WRN: variants seen among roughly 807,000 people sequenced by gnomAD.
WRN encodes the protein WRN RecQ like helicase.
A neutral mutation model predicts 180.7 loss-of-function variants in WRN; 149 were observed. That is an observed-to-expected ratio of 0.82 (90% CI 0.72 to 0.94). The LOEUF is 0.94. WRN is among the 40% of genes least tolerant of loss of function. The probability of loss-of-function intolerance (pLI) is 0.00; values close to 1 mark genes in which losing one functional copy is unlikely to be tolerated. For synonymous variants in WRN, 548 were observed against 568.9 expected (o/e 0.96, Z 0.52); for missense variants, 1,661 against 1,700.1 (o/e 0.98, Z 0.40).
chr8:31,036,497 C>G (rs1179094516), intron 1 of WRN, among the ~76,000 whole-genome samples: 1 of 152,186 alleles, frequency 6.6e-6, no homozygotes, highest in African/African-American at 2.4e-5. Context: ...TCCCTTTTCT[C>G]CACATCCTCG....
chr8:31,081,432 T>C (rs1015037180), intron 9 of WRN, 136 bp downstream of exon 9: 6 of 922,736 alleles, frequency 6.5e-6, no homozygotes, highest in African/African-American at 3.4e-5. Flanking sequence ...AGTTCTGTTA[T>C]TGTAGTGTGA....
intron 8 of WRN, among the ~76,000 whole-genome samples, chr8:31,077,358 A>T (rs1404577374): frequency 6.6e-6 from 1 of 152,004 alleles, no homozygotes; most frequent in Admixed American, 6.5e-5. Flanking sequence ...ATCCTGCCTC[A>T]GCCTCCCGAG....
intron 23 of WRN, among the ~76,000 whole-genome samples, chr8:31,127,471 A>G (rs1801970472): frequency 1.3e-5 from 2 of 152,220 alleles, no homozygotes; most frequent in Non-Finnish European, 2.9e-5. Flanking sequence ...TACGTACCTA[A>G]GTTCAATAGC....
At chr8:31,151,322 G>A (rs1442596475) in intron 31 of WRN, among the ~76,000 whole-genome samples, 2 of 152,150 alleles carry the variant, frequency 1.3e-5, no homozygotes, top group Non-Finnish European at 2.9e-5. Flanking sequence ...TTACTTCCAA[G>A]AAGCTCCTGG....
intron 31 of WRN, among the ~76,000 whole-genome samples, chr8:31,150,816 C>CA (rs1398250247): frequency 1.7e-4 from 26 of 152,304 alleles, no homozygotes; most frequent in African/African-American, 6.3e-4. Flanking sequence ...GTCAGGAGCT[C>CA]AGCCACTTTC....
At chr8:31,083,077 T>C (rs1813383332) in intron 9 of WRN, among the ~76,000 whole-genome samples, 1 of 152,210 alleles carries the variant, frequency 6.6e-6, no homozygotes, top group Non-Finnish European at 1.5e-5. Flanking sequence ...GAGGGTTTTC[T>C]TTCTATGGAT....
chr8:31,166,729 GGTT>G (rs1203691911), intron 33 of WRN, among the ~76,000 whole-genome samples: 1 of 152,120 alleles, frequency 6.6e-6, no homozygotes, highest in East Asian at 1.9e-4. Context: ...TTCCACGAAT[GGTT>G]GTTTTGATTC....
At chr8:31,083,299 G>A (rs565668056) in intron 9 of WRN, among the ~76,000 whole-genome samples, 1 of 152,264 alleles carries the variant, frequency 6.6e-6, no homozygotes, top group South Asian at 2.1e-4. Flanking sequence ...TTTTAAATCA[G>A]TGGATGTCAA....
intron 17 of WRN, among the ~76,000 whole-genome samples, chr8:31,099,733 G>C (rs1427204399): frequency 6.6e-6 from 1 of 152,030 alleles, no homozygotes; most frequent in Admixed American, 6.6e-5. Flanking sequence ...CTAGAAAAGT[G>C]TTTGGATAAT....
At chr8:31,115,035 A>G (rs1197272561) in intron 19 of WRN, among the ~76,000 whole-genome samples, 1 of 151,058 alleles carries the variant, frequency 6.6e-6, no homozygotes. Flanking sequence ...AGCTGGGATT[A>G]CAGGTGCATG....
rs1332328134 is a variant in WRN at position 31,058,515 on chromosome 8, A to G, written c.68A>G (p.Asn23Ser). 7 of 1,613,884 alleles carry G rather than the reference A, an allele frequency of 4.3e-6. No homozygotes were observed. Residue 23 changes from asparagine to serine, a missense_variant, in exon 2 of 35, where the codon AAT becomes AGT. Transcript: ENST00000298139. ...RKCPEWMNVQNKRCAVEERKA... is the reference protein window; with the variant it reads ...RKCPEWMNVQSKRCAVEERKA... ...TGTCCTGAATGGATGAATGTGCAGA[A>G]TAAAAGATGTGCTGTAGAAGAAAGA...
chr8:31,120,410 C>G lies in WRN; in HGVS notation c.2616C>G (p.Asp872Glu). Reference protein sequence around the residue: ...SSCHVLWAPADINLNRHLLTE... With the variant: ...SSCHVLWAPAEINLNRHLLTE... ...GTCACGTCCTCTGGGCTCCTGCAGA[C>G]ATTAACTTAAATAGGTAAAAAAAAT... The change falls in exon 21 of 35, where the codon GAC becomes GAG. Residue 872 changes from aspartate to glutamate, a missense_variant. Asp to Glu is a conservative substitution (Grantham distance 45, BLOSUM62 2). Transcript: ENST00000298139. 1 of 1,612,206 alleles carries G rather than the reference C, an allele frequency of 6.2e-7. No homozygotes were observed. Among genetic ancestry groups the G allele is most frequent in the Non-Finnish European group, 8.5e-7 (1 of 1,178,838 alleles).
chr8:31,045,403 ATT>A (rs59456074), intron 1 of WRN, among the ~76,000 whole-genome samples: 25 of 139,590 alleles, frequency 1.8e-4, no homozygotes, highest in Non-Finnish European at 2.4e-4. Flanking sequence ...TTCCACACTA[ATT>A]TTTTTTTTTT....
chr8:31,087,624 C>G, intron 11 of WRN, 152 bp from the exon 12 acceptor site: 1 of 700,252 alleles, frequency 1.4e-6, no homozygotes, highest in Non-Finnish European at 2.4e-6. Context: ...ATATTTAAAC[C>G]GGAGCACACA....
chr8:31,081,403 G>A (rs1813307317), intron 9 of WRN, 107 bp downstream of exon 9: 2 of 1,208,048 alleles, frequency 1.7e-6, no homozygotes, highest in Non-Finnish European at 1.2e-6. Context: ...GGGACATACA[G>A]TCTCTGTTGC....
intron 16 of WRN, among the ~76,000 whole-genome samples, chr8:31,093,528 G>C (rs1165107633): frequency 6.6e-6 from 1 of 152,074 alleles, no homozygotes. Context: ...GTTTTGGACT[G>C]TTACTAATAA....
chr8:31,141,532 A>C lies in WRN; in HGVS notation c.3070A>C (p.Thr1024Pro). The C allele has an allele frequency of 6.2e-7, 1 of 1,614,166 alleles. No homozygotes were observed. The change falls in exon 25 of 35, where the codon ACT becomes CCT. Residue 1024 changes from threonine to proline, a missense_variant. Coordinates refer to ENST00000298139, the MANE Select transcript of WRN (RefSeq NM_000553.6). ...GAAGGCTTTTTCCCGTCAGCTGATC[A>C]CTGAGGGATTCTTGGTAGAAGTTTC... ...WWKAFSRQLI[T>P]EGFLVEVSRY...
At chr8:31,036,569 A>G (rs1811460531) in intron 1 of WRN, among the ~76,000 whole-genome samples, 1 of 152,122 alleles carries the variant, frequency 6.6e-6, no homozygotes, top group East Asian at 1.9e-4. Flanking sequence ...GTGATATCTC[A>G]TTGTGATTTT....
intron 1 of WRN, among the ~76,000 whole-genome samples, chr8:31,045,403 ATTT>A (rs59456074): frequency 2.9e-5 from 4 of 139,678 alleles, no homozygotes; most frequent in African/African-American, 5.2e-5. Context: ...TTCCACACTA[ATTT>A]TTTTTTTTTT....
Sources: gnomAD v4.1 joint callset for allele counts (sites outside exome capture counted in the v4.1 genomes callset) on GRCh38, gnomAD v4.1.1 for gene constraint, MANE v1.5 for transcripts, NCBI Gene and HGNC (gene_info 2026-07-23, HGNC 2026-07-21) for gene names.